DNM1: variants seen among roughly 807,000 people sequenced by gnomAD.
DNM1 encodes the protein dynamin-1.
Under a neutral mutation model 104.6 loss-of-function variants are expected in DNM1, and 29 were observed. The ratio of observed to expected loss-of-function variants is 0.28; its 90% CI spans 0.21 to 0.38. The LOEUF (loss-of-function observed/expected upper bound fraction) is 0.38, where lower values mean the gene tolerates loss of function less well. Among genes scored for constraint, DNM1 ranks in the 10% least tolerant of loss-of-function variants. DNM1 has a pLI of 1.00. For missense variants in DNM1, 640 were observed against 1,189.4 expected, an observed-to-expected ratio of 0.54 and a Z score of 6.79; for synonymous variants, 445 against 475.8, an observed-to-expected ratio of 0.94 and a Z score of 0.84.
At position 128,245,427 on chromosome 9, in the gene DNM1, CA is replaced by C. The variant is rs1387916622; in HGVS notation, c.1672-962del. 6.6e-6 allele frequency among the ~76,000 whole-genome samples: 1 copy of C among 151,834 alleles called. No individual in the cohort carries two copies. The highest frequency in any genetic ancestry group is 1.5e-5 in the Non-Finnish European group (1 of 67,932). On this transcript the variant is annotated intron_variant, in intron 15 of 21. Transcript: ENST00000372923. The surrounding 1 kb of genome is among the most constrained non-coding windows in gnomAD (Gnocchi z 5.2). ...CCGTGAACAAGTAGGGCATGGGTGA[CA>C]AAAACCCCTCCCCTCTCCCAGAGCC... is the stretch of plus-strand genomic sequence containing the variant.
chr9:128,229,861 C>T (rs1404284375), intron 10 of DNM1, among the ~76,000 whole-genome samples: 1 of 151,704 alleles, frequency 6.6e-6, no homozygotes, highest in African/African-American at 2.4e-5. Flanking sequence ...TGCAGTGAGC[C>T]AAGATCACGC....
At chr9:128,252,471 G>C in intron 21 of DNM1, 1 of 398,990 alleles carries the variant, frequency 2.5e-6, no homozygotes, top group Non-Finnish European at 4.9e-6. Context: ...GGAATCAGGA[G>C]GGTATCTGGG....
At chr9:128,232,905 T>G (rs1835786134) in intron 10 of DNM1, among the ~76,000 whole-genome samples, 1 of 152,220 alleles carries the variant, frequency 6.6e-6, no homozygotes, top group African/African-American at 2.4e-5. Context: ...CTTCCAGCAC[T>G]GGCCATGGGC....
intron 1 of DNM1, among the ~76,000 whole-genome samples, chr9:128,212,333 G>A (rs1834349127): frequency 6.6e-6 from 1 of 152,146 alleles, no homozygotes; most frequent in South Asian, 2.1e-4. Flanking sequence ...TCCATAGCTG[G>A]GCATGGTGGT....
intron 10 of DNM1, among the ~76,000 whole-genome samples, chr9:128,230,386 G>A (rs1428229925): frequency 1.3e-5 from 2 of 149,132 alleles, no homozygotes; most frequent in Non-Finnish European, 3.0e-5. Context: ...ATTCACCATA[G>A]GAATCTTTTT....
chr9:128,231,342 C>A (rs1041229862), intron 10 of DNM1, among the ~76,000 whole-genome samples: 1 of 151,446 alleles, frequency 6.6e-6, no homozygotes, highest in Non-Finnish European at 1.5e-5. Flanking sequence ...GCTGGGATTA[C>A]AGGCATGTGC....
At chr9:128,246,885 C>A in intron 16 of DNM1, 1 of 277,896 alleles carries the variant, frequency 3.6e-6, no homozygotes, top group South Asian at 5.2e-5. Context: ...GGCACTGGAG[C>A]CAAAGGGCCC....
chr9:128,204,498 C>T (rs1267334031), intron 1 of DNM1: 1 of 152,318 alleles, frequency 6.6e-6, no homozygotes, highest in Non-Finnish European at 1.5e-5. Context: ...GCTGAGAGGC[C>T]TAGGTGGCGG....
In DNM1 at chr9:128,254,343, G is replaced by A; in HGVS notation, c.2535-311G>A. The A allele has an allele frequency of 2.9e-6, 4 of 1,402,108 alleles. No homozygotes were observed. Among genetic ancestry groups the A allele is most frequent in the East Asian group, 5.6e-5 (2 of 36,030 alleles). 86.9% of individuals were successfully genotyped at this position (1,402,108 alleles called of 1,614,324 possible). A position where few individuals can be genotyped will look rare whatever the true frequency, so the allele number is the denominator to read the frequency against. The stretch of plus-strand genomic sequence containing the variant: ...GAGAAGAGGGAAGCCCGAGGGGGCC[G>A]AGCATCAGCCTGAATTGCGGGTGCC... On this transcript the variant is annotated intron_variant, in intron 21 of 21. Coordinates refer to ENST00000372923, the MANE Select transcript of DNM1 (RefSeq NM_004408.4). The surrounding 1 kb of genome is among the most constrained non-coding windows in gnomAD (Gnocchi z 6.1).
At chr9:128,246,869 C>G (rs1354215782) in intron 16 of DNM1, 2 of 284,270 alleles carry the variant, frequency 7.0e-6, no homozygotes, top group African/African-American at 4.3e-5. Context: ...ATGAGACACT[C>G]TGCCAGGCAC....
intron 10 of DNM1, among the ~76,000 whole-genome samples, chr9:128,230,216 C>CAAA (rs574620137): frequency 1.4e-4 from 11 of 76,700 alleles, no homozygotes; most frequent in South Asian, 4.1e-4. Flanking sequence ...GACTCCGTCT[C>CAAA]AAAAAAAAAA....
In DNM1 at chr9:128,250,665, C is replaced by A. The variant is rs992671333; in HGVS notation, c.2319-60C>A. The A allele has an allele frequency of 5.9e-6, 8 of 1,348,024 alleles. No individual in the cohort carries two copies. The Admixed American group carries it at 2.6e-4, about 43-fold the overall frequency. 83.5% of individuals were successfully genotyped at this position (1,348,024 alleles called of 1,614,324 possible). A position where few individuals can be genotyped will look rare whatever the true frequency, so the allele number is the denominator to read the frequency against. ...CCAGCACTGGGCTGGGGCGGGGCCT[C>A]TGGGTGGGCGGAGCTGCTCATCTCG... is the stretch of plus-strand genomic sequence containing the variant. On this transcript the variant is annotated intron_variant, in intron 20 of 21. Coordinates refer to ENST00000372923, the MANE Select transcript of DNM1 (RefSeq NM_004408.4).
chr9:128,234,705 A>G (rs1835904689), intron 11 of DNM1: 1 of 151,686 alleles, frequency 6.6e-6, no homozygotes. Flanking sequence ...CAAAACGGAA[A>G]CTGTCCCCAT....
At chr9:128,219,739 G>C (rs1056318397) in intron 4 of DNM1, among the ~76,000 whole-genome samples, 6 of 152,240 alleles carry the variant, frequency 3.9e-5, no homozygotes, top group Non-Finnish European at 7.3e-5. Flanking sequence ...AACTTGGGAG[G>C]ATCGCTTGAA....
At position 128,220,374 on chromosome 9, in the gene DNM1, A is replaced by G. The variant is rs778448911; in HGVS notation, c.849+33A>G. The G allele has an allele frequency of 1.2e-6, 2 of 1,608,082 alleles. No homozygotes were observed. The highest frequency in any genetic ancestry group is 2.2e-5 in the South Asian group (2 of 91,060). Reference sequence around the variant, plus strand: ...ACCAAGCCAGGATGGGGCCTGGGGAAACAAGCATGAAAACAGGATAAATTA... The same window carrying G: ...ACCAAGCCAGGATGGGGCCTGGGGAGACAAGCATGAAAACAGGATAAATTA... On this transcript the variant is annotated intron_variant, in intron 6 of 21. Transcript: ENST00000372923. The surrounding 1 kb of genome is among the most constrained non-coding windows in gnomAD (Gnocchi z 5.2).
intron 20 of DNM1, 99 bp downstream of exon 20, chr9:128,250,455 G>A: frequency 2.3e-6 from 3 of 1,316,914 alleles, no homozygotes; most frequent in Non-Finnish European, 3.0e-6. Flanking sequence ...CACCGGGGTG[G>A]CTCCCACCTG....
At position 128,222,600 on chromosome 9, in the gene DNM1, G is replaced by C; in HGVS notation, c.1128+4G>C. Reference sequence around the variant, plus strand: ...CTTCCCTTTCGAGCTGGTCAAGGTAGGTCAGGCAGCCCTGGGGACAGGATG... The same window carrying C: ...CTTCCCTTTCGAGCTGGTCAAGGTACGTCAGGCAGCCCTGGGGACAGGATG... On this transcript the variant is annotated splice_donor_region_variant and intron_variant, in intron 8 of 21. Coordinates refer to ENST00000372923, the MANE Select transcript of DNM1 (RefSeq NM_004408.4). This position sits in a 1 kb window ranked among gnomAD's most constrained non-coding sequence, Gnocchi z 7.8. 1 of 1,614,076 alleles carries C rather than the reference G, an allele frequency of 6.2e-7. No individual in the cohort carries two copies. The highest frequency in any genetic ancestry group is 8.5e-7 in the Non-Finnish European group (1 of 1,180,004).
intron 1 of DNM1, among the ~76,000 whole-genome samples, chr9:128,211,442 T>C (rs7873806): frequency 0.13 from 18,848 of 150,108 alleles, 3,224 homozygotes; most frequent in African/African-American, 0.39. Context: ...GGGGTGCTAT[T>C]GCATATGCTG....
rs779371666 is a variant in DNM1 at position 128,220,511 on chromosome 9, C to T, written c.849+170C>T. The stretch of plus-strand genomic sequence containing the variant: ...CCACAGCCCCACAGCTAGGTAGCAG[C>T]AAAGCTTCACTGACCTTTCCCTGTC... On this transcript the variant is annotated intron_variant, in intron 6 of 21. Transcript: ENST00000372923. This position sits in a 1 kb window ranked among gnomAD's most constrained non-coding sequence, Gnocchi z 5.2. 4.6e-5 allele frequency among the ~76,000 whole-genome samples: 7 copies of T among 152,204 alleles called. No homozygotes were observed. The highest frequency in any genetic ancestry group is 1.0e-4 in the Non-Finnish European group (7 of 68,028).
Sources: gnomAD v4.1 joint callset for allele counts (sites outside exome capture counted in the v4.1 genomes callset) on GRCh38, gnomAD v4.1.1 for gene constraint, Gnocchi (gnomAD v3.1) non-coding constraint, MANE v1.5 for transcripts, NCBI Gene and HGNC (gene_info 2026-07-23, HGNC 2026-07-21) for gene names.